Variants in HS3ST4 observed in about 807,000 individuals in gnomAD.
HS3ST4 encodes the protein heparan sulfate glucosamine 3-O-sulfotransferase 4.
A neutral mutation model predicts 29.2 loss-of-function variants in HS3ST4; 17 were observed. The ratio of observed to expected loss-of-function variants is 0.58; its 90% CI spans 0.40 to 0.87. The LOEUF is 0.87. Ranked by LOEUF, HS3ST4 falls within the 40% of genes least tolerant of loss-of-function variation. HS3ST4 has a pLI of 0.00. For missense variants in HS3ST4, 627 were observed against 634.5 expected (o/e 0.99, Z 0.13); for synonymous variants, 314 against 285.7 (o/e 1.10, Z -1.00).
At chr16:25,804,749 T>C (rs995817954) in intron 1 of HS3ST4, among the ~76,000 whole-genome samples, 5 of 152,116 alleles carry the variant, frequency 3.3e-5, no homozygotes, top group Admixed American at 1.3e-4. Context: ...CACAACATTT[T>C]TTTCTAGGGT....
intron 1 of HS3ST4, among the ~76,000 whole-genome samples, chr16:26,025,757 C>T (rs1567296373): frequency 6.6e-6 from 1 of 152,046 alleles, no homozygotes; most frequent in Non-Finnish European, 1.5e-5. Flanking sequence ...AGCAACAACA[C>T]CACCCTTTTT....
chr16:25,923,950 C>T (rs1021940124), intron 1 of HS3ST4, among the ~76,000 whole-genome samples: 7 of 152,236 alleles, frequency 4.6e-5, no homozygotes, highest in South Asian at 2.1e-4. Context: ...GCTTCAATTT[C>T]GGGACAATGA....
chr16:26,007,037 T>C (rs1425371757), intron 1 of HS3ST4, among the ~76,000 whole-genome samples: 1 of 152,238 alleles, frequency 6.6e-6, no homozygotes, highest in Non-Finnish European at 1.5e-5. Flanking sequence ...CTCACTGTTA[T>C]AATTTTTGCA....
At chr16:25,828,176 C>T (rs1567249220) in intron 1 of HS3ST4, among the ~76,000 whole-genome samples, 1 of 139,118 alleles carries the variant, frequency 7.2e-6, no homozygotes, top group Non-Finnish European at 1.5e-5. Flanking sequence ...CTTTCTCTCT[C>T]TCTTTCTCTT....
chr16:25,826,867 A>G (rs1967222599), intron 1 of HS3ST4, among the ~76,000 whole-genome samples: 1 of 152,278 alleles, frequency 6.6e-6, no homozygotes, highest in South Asian at 2.1e-4. Flanking sequence ...GCCCTTTTCA[A>G]GTCTTCCAGA....
chr16:25,883,904 C>A (rs754699959), intron 1 of HS3ST4, among the ~76,000 whole-genome samples: 24 of 152,194 alleles, frequency 1.6e-4, no homozygotes, highest in Non-Finnish European at 2.9e-4. Flanking sequence ...CACTTGGGGT[C>A]AGGAGATCGA....
intron 1 of HS3ST4, among the ~76,000 whole-genome samples, chr16:25,885,654 C>G (rs1239892463): frequency 1.3e-5 from 2 of 152,002 alleles, no homozygotes; most frequent in Non-Finnish European, 2.9e-5. Flanking sequence ...TTTGTCATAT[C>G]CAAGCACCAG....
At chr16:26,089,683 T>G (rs1898830868) in intron 1 of HS3ST4, among the ~76,000 whole-genome samples, 1 of 152,232 alleles carries the variant, frequency 6.6e-6, no homozygotes, top group Non-Finnish European at 1.5e-5. Flanking sequence ...GACCTACCAT[T>G]AGGAAGCTTT....
rs758279952 is a variant in HS3ST4 at position 25,777,153 on chromosome 16, G to A, written c.734+84002G>A. Among the ~76,000 whole-genome samples, 5 of 152,096 alleles carry A rather than the reference G, an allele frequency of 3.3e-5. No individual in the cohort carries two copies. In the South Asian group the frequency reaches 6.2e-4, roughly 19 times the overall value. ...GGGTAGGGGTTCTCTCTTGACTCAC[G>A]CACATTAATCTCTCCACATAAGTGA... On this transcript the variant is annotated intron_variant, in intron 1 of 1. Transcript: ENST00000331351.
intron 1 of HS3ST4, among the ~76,000 whole-genome samples, chr16:26,124,074 C>T (rs147488643): frequency 0.014 from 2,087 of 152,228 alleles, 30 homozygotes; most frequent in Admixed American, 0.035. Flanking sequence ...GCAGGTGCCA[C>T]CACACCCGTC....
chr16:25,987,059 C>CAATA (rs1457704032), intron 1 of HS3ST4, among the ~76,000 whole-genome samples: 32 of 152,204 alleles, frequency 2.1e-4, no homozygotes, highest in Non-Finnish European at 2.9e-5. Flanking sequence ...CCCATTAAAG[C>CAATA]AATACTGCTG....
intron 1 of HS3ST4, among the ~76,000 whole-genome samples, chr16:26,092,984 C>G (rs1280497492): frequency 1.3e-5 from 2 of 152,226 alleles, no homozygotes; most frequent in Admixed American, 1.3e-4. Context: ...GCCTTGCTCA[C>G]TGCTAGCACA....
chr16:25,781,729 A>G (rs2141615568), intron 1 of HS3ST4, among the ~76,000 whole-genome samples: 1 of 152,328 alleles, frequency 6.6e-6, no homozygotes, highest in South Asian at 2.1e-4. Context: ...TGGACCATCC[A>G]CACTCTACTG....
intron 1 of HS3ST4, among the ~76,000 whole-genome samples, chr16:26,055,537 G>T (rs192590466): frequency 2.0e-4 from 31 of 152,192 alleles, no homozygotes; most frequent in African/African-American, 7.0e-4. Flanking sequence ...GAATTATGGT[G>T]GTAGCCTAGT....
At chr16:25,755,792 C>T (rs1304423243) in intron 1 of HS3ST4, among the ~76,000 whole-genome samples, 1 of 152,158 alleles carries the variant, frequency 6.6e-6, no homozygotes, top group Non-Finnish European at 1.5e-5. Context: ...TCAACTGGGG[C>T]ATATGTTCCC....
At chr16:25,809,608 A>C (rs1967021777) in intron 1 of HS3ST4, among the ~76,000 whole-genome samples, 1 of 152,168 alleles carries the variant, frequency 6.6e-6, no homozygotes, top group African/African-American at 2.4e-5. Context: ...TGTTTGGTAG[A>C]ATTTTCCAGT....
Position 25,983,300 on chromosome 16 carries a change from C to G in HS3ST4, c.735-152312C>G, listed in dbSNP as rs1395288002. On this transcript the variant is annotated intron_variant, in intron 1 of 1. Coordinates refer to ENST00000331351, the MANE Select transcript of HS3ST4 (RefSeq NM_006040.3). ...TTCCAGATTGAGGTAGAAGAGCCCC[C>G]CTTGCTGAATATGACCTTAGGCTTA... is the stretch of plus-strand genomic sequence containing the variant. 2.0e-5 allele frequency among the ~76,000 whole-genome samples: 3 copies of G among 152,126 alleles called. No individual in the cohort carries two copies. The East Asian group carries it at 5.8e-4, about 29-fold the overall frequency.
At chr16:25,785,240 A>G (rs565233285) in intron 1 of HS3ST4, among the ~76,000 whole-genome samples, 2 of 152,242 alleles carry the variant, frequency 1.3e-5, no homozygotes, top group African/African-American at 4.8e-5. Context: ...TAATGTTTTC[A>G]TGTGTGTTAA....
At chr16:25,828,242 C>CTGTCTGTCTTTCTTTCTTTCTT (rs1371928058) in intron 1 of HS3ST4, among the ~76,000 whole-genome samples, 1 of 75,016 alleles carries the variant, frequency 1.3e-5, no homozygotes, top group Non-Finnish European at 2.5e-5. Flanking sequence ...TTCTTTCTTT[C>CTGTCTGTCTTTCTTTCTTTCTT]TCTTTCTTTC....
Sources: allele counts gnomAD v4.1 joint callset (sites outside exome capture counted in the v4.1 genomes callset), GRCh38; gene constraint gnomAD v4.1.1; transcripts MANE v1.5; gene names NCBI Gene and HGNC (gene_info 2026-07-23, HGNC 2026-07-21).